The following MAP3K5 variants were observed in gnomAD, a reference collection of about 807,000 sequenced individuals.
MAP3K5 encodes the protein mitogen-activated protein kinase kinase kinase 5.
Under a neutral mutation model 158.7 loss-of-function variants are expected in MAP3K5, and 56 were observed. The observed-to-expected ratio is 0.35, with a 90% confidence interval of 0.28 to 0.44. MAP3K5 has a LOEUF of 0.44. Ranked by LOEUF, MAP3K5 falls within the 20% of genes least tolerant of loss-of-function variation. The pLI, the probability that MAP3K5 is intolerant of heterozygous loss-of-function variation, is 1.00. For synonymous variants in MAP3K5, 579 were observed against 601.7 expected, an observed-to-expected ratio of 0.96 and a Z score of 0.55; for missense variants, 1,294 against 1,674.8, an observed-to-expected ratio of 0.77 and a Z score of 3.97.
Position 136,601,013 on chromosome 6 carries a change from C to T in MAP3K5, c.2878+9G>A. ...CTCAGCTCAATGGGCAAAGTAAAAA[C>T]AAACTCACCATTTGATCCAGCTGAA... On this transcript the variant is annotated intron_variant, in intron 21 of 29. Coordinates refer to ENST00000359015, the MANE Select transcript of MAP3K5 (RefSeq NM_005923.4). 6.2e-7 allele frequency: 1 copy of T among 1,613,832 alleles called. No homozygotes were observed. Among genetic ancestry groups the T allele is most frequent in the South Asian group, 1.1e-5 (1 of 91,060 alleles).
At chr6:136,684,763 T>G (rs556705929) in intron 7 of MAP3K5, among the ~76,000 whole-genome samples, 215 of 152,298 alleles carry the variant, frequency 1.4e-3, no homozygotes, top group Non-Finnish European at 3.4e-4. Flanking sequence ...TTTAACTGAT[T>G]TAAATCTTTA....
chr6:136,777,556 G>A (rs1345361019), intron 1 of MAP3K5, among the ~76,000 whole-genome samples: 4 of 152,130 alleles, frequency 2.6e-5, no homozygotes, highest in Non-Finnish European at 4.4e-5. Flanking sequence ...AAGAACTAAC[G>A]CACATCAACT....
intron 23 of MAP3K5, among the ~76,000 whole-genome samples, chr6:136,589,418 A>C (rs1775284871): frequency 1.3e-5 from 2 of 152,154 alleles, no homozygotes; most frequent in Non-Finnish European, 2.9e-5. Flanking sequence ...TGTCTGTGGG[A>C]GGTTGTATCC....
chr6:136,735,605 G>C lies in MAP3K5; in HGVS notation c.449-15016C>G, dbSNP rs1006231509. Among the ~76,000 whole-genome samples the C allele has an allele frequency of 5.9e-5, 9 of 152,244 alleles. No homozygotes were observed. In the South Asian group the frequency reaches 1.9e-3, roughly 32 times the overall value. Reference sequence around the variant, plus strand: ...CAGCACTTTGCGAGGCTGAGGCAGAGGATCGCTTGAGTTCGGGAGTTTGAG... The same window carrying C: ...CAGCACTTTGCGAGGCTGAGGCAGACGATCGCTTGAGTTCGGGAGTTTGAG... On this transcript the variant is annotated intron_variant, in intron 1 of 29. Transcript: ENST00000359015.
At chr6:136,599,168 A>AAAG (rs1491488396) in intron 21 of MAP3K5, among the ~76,000 whole-genome samples, 1 of 121,692 alleles carries the variant, frequency 8.2e-6, no homozygotes, top group Admixed American at 8.8e-5. Context: ...CAAAAAAAAA[A>AAAG]GGGGGGGGGG....
At chr6:136,712,419 C>T (rs2114741728) in intron 2 of MAP3K5, among the ~76,000 whole-genome samples, 1 of 152,228 alleles carries the variant, frequency 6.6e-6, no homozygotes, top group South Asian at 2.1e-4. Context: ...GGTGATCCAC[C>T]TGCCTCAGCC....
chr6:136,564,372 TAAC>T (rs1773994777), intron 26 of MAP3K5, among the ~76,000 whole-genome samples: 1 of 152,070 alleles, frequency 6.6e-6, no homozygotes, highest in African/African-American at 2.4e-5. Context: ...GAAAATAAGT[TAAC>T]AAAGACAGCT....
At chr6:136,732,182 T>C (rs1338149513) in intron 1 of MAP3K5, among the ~76,000 whole-genome samples, 1 of 152,038 alleles carries the variant, frequency 6.6e-6, no homozygotes, top group African/African-American at 2.4e-5. Context: ...CCCAGCACTT[T>C]GGGAGGCTGA....
intron 14 of MAP3K5, among the ~76,000 whole-genome samples, chr6:136,635,797 C>T (rs555429598): frequency 3.2e-4 from 47 of 149,110 alleles, no homozygotes; most frequent in African/African-American, 1.2e-3. Context: ...GGGAGGATTG[C>T]TTGAGCCCAG....
intron 15 of MAP3K5, among the ~76,000 whole-genome samples, chr6:136,621,268 C>A (rs1230960598): frequency 1.3e-5 from 2 of 152,128 alleles, no homozygotes; most frequent in Non-Finnish European, 2.9e-5. Context: ...TGATCTCCAG[C>A]ATTTTTAAAA....
chr6:136,769,805 G>A (rs1422775307), intron 1 of MAP3K5, among the ~76,000 whole-genome samples: 30 of 54,996 alleles, frequency 5.5e-4, no homozygotes, highest in Non-Finnish European at 7.8e-4. Flanking sequence ...GGGAGGGAGG[G>A]AGGGAGGGGA....
chr6:136,671,397 C>T (rs1779477318), intron 7 of MAP3K5, among the ~76,000 whole-genome samples: 1 of 152,156 alleles, frequency 6.6e-6, no homozygotes, highest in African/African-American at 2.4e-5. Context: ...TTGAGCTCCC[C>T]TCAATCCATG....
intron 14 of MAP3K5, 196 bp downstream of exon 14, chr6:136,637,129 T>C: frequency 7.1e-7 from 1 of 1,411,868 alleles, no homozygotes; most frequent in Non-Finnish European, 9.3e-7. Context: ...CGCTTGGTGC[T>C]GTGGAATAAG....
chr6:136,712,729 T>C (rs1370553925), intron 2 of MAP3K5, among the ~76,000 whole-genome samples: 1 of 152,164 alleles, frequency 6.6e-6, no homozygotes, highest in African/African-American at 2.4e-5. Context: ...GATTCCCACA[T>C]GTTGTGGGAG....
At chr6:136,585,496 T>TCTTTCTTTCTTTCTTTC (rs1296916294) in intron 23 of MAP3K5, among the ~76,000 whole-genome samples, 1 of 147,914 alleles carries the variant, frequency 6.8e-6, no homozygotes, top group Non-Finnish European at 1.5e-5. Flanking sequence ...TTTATTTATT[T>TCTTTCTTTCTTTCTTTC]ATTTATTTAT....
chr6:136,701,260 T>C (rs1283499081), intron 3 of MAP3K5, among the ~76,000 whole-genome samples: 1 of 152,192 alleles, frequency 6.6e-6, no homozygotes, highest in East Asian at 1.9e-4. Flanking sequence ...GGGAACTCTG[T>C]ATGAGCCAAA....
At chr6:136,625,414 A>G (rs1009791272) in intron 14 of MAP3K5, among the ~76,000 whole-genome samples, 1 of 152,230 alleles carries the variant, frequency 6.6e-6, no homozygotes, top group African/African-American at 2.4e-5. Context: ...TGCCTACGCC[A>G]GGCAAAGAGC....
intron 14 of MAP3K5, chr6:136,630,255 A>G (rs1373471936): frequency 6.6e-6 from 1 of 152,218 alleles, no homozygotes; most frequent in Non-Finnish European, 1.5e-5. Flanking sequence ...CAGCTATACC[A>G]CCCTGAATGC....
chr6:136,664,198 C>T (rs1431303967), intron 8 of MAP3K5, among the ~76,000 whole-genome samples: 1 of 152,042 alleles, frequency 6.6e-6, no homozygotes, highest in Non-Finnish European at 1.5e-5. Flanking sequence ...GGAGCGTGAA[C>T]ACTATTGTGA....
Sources: allele counts gnomAD v4.1 joint callset (sites outside exome capture counted in the v4.1 genomes callset), GRCh38; gene constraint gnomAD v4.1.1; transcripts MANE v1.5; gene names NCBI Gene and HGNC (gene_info 2026-07-23, HGNC 2026-07-21).